Variants in PPM1E observed in about 807,000 individuals in gnomAD.
The protein encoded by PPM1E is protein phosphatase, Mg2+/Mn2+ dependent 1E, also known as protein phosphatase 1E.
PPM1E carries 20 observed loss-of-function variants against 65.9 expected under a neutral mutation model. The ratio of observed to expected loss-of-function variants is 0.30; its 90% CI spans 0.21 to 0.44. The LOEUF is 0.44. Ranked by LOEUF, PPM1E falls within the 20% of genes least tolerant of loss-of-function variation. PPM1E has a pLI of 1.00. For synonymous variants in PPM1E, 352 were observed against 374.9 expected, an observed-to-expected ratio of 0.94 and a Z score of 0.70; for missense variants, 713 against 953.1, an observed-to-expected ratio of 0.75 and a Z score of 3.32.
rs376080632 is a variant in PPM1E, at chr17:58,782,166, A to C, written c.464+25705A>C. Reference sequence around the variant, plus strand: ...TTAAAGTTTGTGATAGCTAGGATGGAGAATTCTAGAAGGAGCCACATACAC... The same window carrying C: ...TTAAAGTTTGTGATAGCTAGGATGGCGAATTCTAGAAGGAGCCACATACAC... On this transcript the variant is annotated intron_variant, in intron 1 of 6. Transcript: ENST00000308249. Among the ~76,000 whole-genome samples the C allele has an allele frequency of 5.3e-5, 8 of 152,188 alleles. No homozygotes were observed. The East Asian group carries it at 1.3e-3, about 26-fold the overall frequency.
At chr17:58,947,398 A>G (rs900283651) in intron 1 of PPM1E, among the ~76,000 whole-genome samples, 29 of 151,540 alleles carry the variant, frequency 1.9e-4, no homozygotes, top group African/African-American at 7.0e-4. Context: ...CACCACACCC[A>G]GCTAGTTTTT....
chr17:58,756,492 C>A (rs908675231), intron 1 of PPM1E, 31 bp downstream of exon 1: 1 of 1,266,126 alleles, frequency 7.9e-7, no homozygotes, highest in Non-Finnish European at 1.0e-6. Flanking sequence ...TGGTGGTGGG[C>A]CCGCGGTCCC....
chr17:58,865,720 A>C (rs1232044406), intron 1 of PPM1E, among the ~76,000 whole-genome samples: 1 of 152,182 alleles, frequency 6.6e-6, no homozygotes, highest in Non-Finnish European at 1.5e-5. Flanking sequence ...ACAAACAAAC[A>C]AAAGTTTCTT....
intron 1 of PPM1E, among the ~76,000 whole-genome samples, chr17:58,814,684 A>G (rs1363482519): frequency 6.6e-6 from 1 of 152,202 alleles, no homozygotes; most frequent in Non-Finnish European, 1.5e-5. Flanking sequence ...TTCTGTAAAG[A>G]GCCAGATAGA....
chr17:58,851,072 A>G (rs1250565363), intron 1 of PPM1E, among the ~76,000 whole-genome samples: 1 of 152,112 alleles, frequency 6.6e-6, no homozygotes, highest in Non-Finnish European at 1.5e-5. Flanking sequence ...CAAATCGGCT[A>G]CCGAAGCTTG....
chr17:58,921,004 G>A (rs1006219745), intron 1 of PPM1E, among the ~76,000 whole-genome samples: 1 of 152,160 alleles, frequency 6.6e-6, no homozygotes, highest in African/African-American at 2.4e-5. Flanking sequence ...TTTCAAGGTG[G>A]AGAAAAATGA....
At chr17:58,956,465 A>G (rs12601223) in intron 2 of PPM1E, among the ~76,000 whole-genome samples, 1 of 152,002 alleles carries the variant, frequency 6.6e-6, no homozygotes, top group South Asian at 2.1e-4. Context: ...AAAACAAAAA[A>G]AAAAACCTTA....
intron 1 of PPM1E, among the ~76,000 whole-genome samples, chr17:58,920,822 G>C (rs2051741063): frequency 6.6e-6 from 1 of 152,140 alleles, no homozygotes; most frequent in African/African-American, 2.4e-5. Flanking sequence ...TATGAGACAT[G>C]ATAAAATCTA....
At chr17:58,967,381 C>T (rs1333856680) in intron 3 of PPM1E, among the ~76,000 whole-genome samples, 1 of 151,836 alleles carries the variant, frequency 6.6e-6, no homozygotes, top group Non-Finnish European at 1.5e-5. Context: ...TATTTTAAGC[C>T]ATTTAAAACA....
intron 1 of PPM1E, among the ~76,000 whole-genome samples, chr17:58,825,228 A>ACACACACACACT (rs1389878421): frequency 9.6e-5 from 10 of 104,012 alleles, no homozygotes; most frequent in Non-Finnish European, 2.0e-4. Flanking sequence ...ACACACTCAC[A>ACACACACACACT]CACACACACA....
chr17:58,837,828 G>A (rs1011957945), intron 1 of PPM1E, among the ~76,000 whole-genome samples: 4 of 152,122 alleles, frequency 2.6e-5, no homozygotes, highest in African/African-American at 4.8e-5. Context: ...TATGTGCTAC[G>A]CATTTGCTAA....
chr17:58,784,146 C>T (rs2050075487), intron 1 of PPM1E, among the ~76,000 whole-genome samples: 1 of 151,934 alleles, frequency 6.6e-6, no homozygotes, highest in Non-Finnish European at 1.5e-5. Context: ...CCTTAGCCTC[C>T]CGAGTAGCTG....
In PPM1E at chr17:58,965,757, G is replaced by A; in HGVS notation, c.647G>A (p.Trp216Ter). Residue 216 changes from tryptophan to a stop codon, truncating the protein, a stop_gained, in exon 3 of 7, where the codon TGG becomes TAG. Transcript: ENST00000308249. LOFTEE classifies it high-confidence loss of function. Reference protein sequence around the residue: ...FSKLHEICCSWVKDFPLRRRP... With the variant: ...FSKLHEICCS ...AAACTACACGAGATTTGCTGCAGCT[G>A]GGTGAAAGACTTCCCCCTCCGCAGG... 1 of 1,614,086 alleles carries A rather than the reference G, an allele frequency of 6.2e-7. No homozygotes were observed. Among genetic ancestry groups the A allele is most frequent in the Non-Finnish European group, 8.5e-7 (1 of 1,180,006 alleles).
chr17:58,853,138 C>T (rs2050845270), intron 1 of PPM1E, among the ~76,000 whole-genome samples: 1 of 152,044 alleles, frequency 6.6e-6, no homozygotes, highest in Non-Finnish European at 1.5e-5. Context: ...TTGTTGTTGC[C>T]TGTATCTTTG....
chr17:58,972,809 C>A (rs779289536), intron 5 of PPM1E, 23 bp from the exon 6 acceptor site: 1 of 1,592,114 alleles, frequency 6.3e-7, no homozygotes, highest in Non-Finnish European at 8.6e-7. Context: ...TTATTTGCTT[C>A]TTTTTATTGC....
intron 1 of PPM1E, among the ~76,000 whole-genome samples, chr17:58,922,045 GA>G (rs1176638406): frequency 8.0e-4 from 89 of 111,626 alleles, no homozygotes; most frequent in African/African-American, 2.4e-3. Flanking sequence ...ATCTCAAAAA[GA>G]AAAAAAAAAG....
intron 1 of PPM1E, among the ~76,000 whole-genome samples, chr17:58,901,133 T>C (rs1226481942): frequency 6.6e-6 from 1 of 152,196 alleles, no homozygotes; most frequent in Non-Finnish European, 1.5e-5. Flanking sequence ...ATGCATGTAT[T>C]TTCCTGCGGT....
intron 1 of PPM1E, among the ~76,000 whole-genome samples, chr17:58,941,115 A>G (rs1202073039): frequency 6.6e-6 from 1 of 152,240 alleles, no homozygotes; most frequent in Non-Finnish European, 1.5e-5. Flanking sequence ...AGTTAATCAG[A>G]GTAAGACATG....
intron 6 of PPM1E, among the ~76,000 whole-genome samples, chr17:58,978,946 C>T (rs1027927917): frequency 6.6e-6 from 1 of 152,104 alleles, no homozygotes; most frequent in Non-Finnish European, 1.5e-5. Flanking sequence ...TCGCTCCTAC[C>T]CCAAGCACCC....
Sources: gnomAD v4.1 joint callset for allele counts (sites outside exome capture counted in the v4.1 genomes callset) on GRCh38, gnomAD v4.1.1 for gene constraint, MANE v1.5 for transcripts, NCBI Gene and HGNC (gene_info 2026-07-23, HGNC 2026-07-21) for gene names.